Variants in TNRC6C observed in about 807,000 individuals in gnomAD.
The protein encoded by TNRC6C is trinucleotide repeat containing adaptor 6C.
In TNRC6C, 20 loss-of-function variants were observed where a neutral mutation model predicts 153.7. The ratio of observed to expected loss-of-function variants is 0.13; its 90% CI spans 0.09 to 0.19. TNRC6C has a LOEUF of 0.19. TNRC6C is among the 10% of genes least tolerant of loss of function. TNRC6C has a pLI of 1.00. For synonymous variants in TNRC6C, 811 were observed against 841.4 expected (o/e 0.96, Z 0.63); for missense variants, 1,987 against 2,172.0 (o/e 0.91, Z 1.69).
chr17:78,064,714 T>C lies in TNRC6C; in HGVS notation c.2396-8T>C. 1 of 1,611,428 alleles carries C rather than the reference T, an allele frequency of 6.2e-7. No homozygotes were observed. The highest frequency in any genetic ancestry group is 1.7e-4 in the Middle Eastern group (1 of 6,056). On this transcript the variant is annotated splice_polypyrimidine_tract_variant and splice_region_variant and intron_variant, in intron 3 of 19. Transcript: ENST00000301624. ...ATTATTTTCTCTACCCCTTGGAACC[T>C]TTTTCAGTTTCATCAGGCTGGGGAG...
intron 3 of TNRC6C, among the ~76,000 whole-genome samples, chr17:78,055,274 A>G (rs2072630982): frequency 1.3e-5 from 2 of 152,210 alleles, no homozygotes; most frequent in African/African-American, 4.8e-5. Flanking sequence ...ACGTTAGCCT[A>G]GGCCTACACA....
At chr17:78,074,663 G>A (rs985803544) in intron 7 of TNRC6C, among the ~76,000 whole-genome samples, 1 of 152,206 alleles carries the variant, frequency 6.6e-6, no homozygotes, top group Non-Finnish European at 1.5e-5. Context: ...TACAGGACTC[G>A]GTGAATGGAG....
intron 1 of TNRC6C, among the ~76,000 whole-genome samples, chr17:78,009,511 C>T (rs2071584987): frequency 6.6e-6 from 1 of 152,046 alleles, no homozygotes; most frequent in Non-Finnish European, 1.5e-5. Context: ...AAAGTGAATA[C>T]CTTCATGACC....
intron 1 of TNRC6C, among the ~76,000 whole-genome samples, chr17:78,021,873 T>A (rs972103514): frequency 6.6e-6 from 1 of 152,358 alleles, no homozygotes. Flanking sequence ...CCTGGTCTAT[T>A]TATTTATAAT....
At chr17:78,106,241 T>C (rs1423774011) in exon 20 of TNRC6C, 2 of 147,590 alleles carry the variant, frequency 1.4e-5, no homozygotes, top group African/African-American at 2.5e-5. Flanking sequence ...TTTTAAAAAT[T>C]TAAAAAGGAA....
At chr17:77,981,476 T>A (rs1266198748) in intron 1 of TNRC6C, among the ~76,000 whole-genome samples, 9 of 152,128 alleles carry the variant, frequency 5.9e-5, no homozygotes, top group Non-Finnish European at 1.3e-4. Flanking sequence ...AGACATTACT[T>A]TGGAGTTTGG....
intron 1 of TNRC6C, among the ~76,000 whole-genome samples, chr17:77,972,203 G>C (rs1437953283): frequency 6.6e-6 from 1 of 152,028 alleles, no homozygotes; most frequent in Admixed American, 6.6e-5. Flanking sequence ...AGGAGACACA[G>C]GTTACTAAAA....
At chr17:78,065,968 C>T (rs552155688) in intron 4 of TNRC6C, among the ~76,000 whole-genome samples, 6 of 152,228 alleles carry the variant, frequency 3.9e-5, no homozygotes, top group East Asian at 1.9e-4. Context: ...TGGTAGCTCA[C>T]GCCTGTAATC....
intron 3 of TNRC6C, among the ~76,000 whole-genome samples, chr17:78,062,439 CCAAA>C (rs1433154748): frequency 1.1e-4 from 17 of 152,128 alleles, no homozygotes; most frequent in Non-Finnish European, 2.4e-4. Flanking sequence ...CATGTTGAGG[CCAAA>C]CAATGTAAAA....
chr17:78,028,589 A>G (rs1007543164), intron 1 of TNRC6C, among the ~76,000 whole-genome samples: 8 of 152,172 alleles, frequency 5.3e-5, no homozygotes, highest in African/African-American at 1.7e-4. Context: ...AGTGTGGACA[A>G]TGTAGCGTTC....
chr17:78,037,571 G>A (rs1476110883), intron 2 of TNRC6C, among the ~76,000 whole-genome samples: 2 of 152,200 alleles, frequency 1.3e-5, no homozygotes, highest in Non-Finnish European at 2.9e-5. Context: ...GTGAAAGGGC[G>A]TCGCAGATGG....
At chr17:77,987,206 A>G (rs1375530749) in intron 1 of TNRC6C, among the ~76,000 whole-genome samples, 1 of 152,250 alleles carries the variant, frequency 6.6e-6, no homozygotes. Flanking sequence ...ATAGACAGGC[A>G]ATGTACAGAA....
chr17:78,073,748 A>G (rs149625642), intron 7 of TNRC6C, among the ~76,000 whole-genome samples: 2 of 152,250 alleles, frequency 1.3e-5, no homozygotes, highest in African/African-American at 4.8e-5. Flanking sequence ...CTTGTTTTAT[A>G]TGTTTTTCTG....
chr17:78,025,147 A>G (rs1185176672), intron 1 of TNRC6C, among the ~76,000 whole-genome samples: 2 of 152,164 alleles, frequency 1.3e-5, no homozygotes, highest in Admixed American at 6.5e-5. Context: ...TCTTTGTGTT[A>G]TATATCTATG....
intron 4 of TNRC6C, 131 bp downstream of exon 6, chr17:78,065,068 G>A (rs1465186735): frequency 2.8e-6 from 3 of 1,088,124 alleles, no homozygotes; most frequent in Non-Finnish European, 3.9e-6. Flanking sequence ...AAGAGTCTTG[G>A]CCAAGCACAG....
intron 11 of TNRC6C, among the ~76,000 whole-genome samples, chr17:78,084,405 C>CCTCA (rs2073239638): frequency 6.6e-6 from 1 of 151,648 alleles, no homozygotes; most frequent in Non-Finnish European, 1.5e-5. Context: ...GTACCTCAGC[C>CCTCA]CTCAGTCTTT....
chr17:78,027,321 G>A (rs1166925525), intron 1 of TNRC6C, among the ~76,000 whole-genome samples: 3 of 152,150 alleles, frequency 2.0e-5, no homozygotes, highest in African/African-American at 7.2e-5. Context: ...TGCCATTTGT[G>A]AAGAGATTAA....
intron 16 of TNRC6C, among the ~76,000 whole-genome samples, chr17:78,097,322 A>C (rs2073505271): frequency 6.6e-6 from 1 of 152,226 alleles, no homozygotes; most frequent in African/African-American, 2.4e-5. Context: ...ATTTTGTAAT[A>C]AAAGGCTTGG....
At chr17:78,039,240 C>A in intron 2 of TNRC6C, among the ~76,000 whole-genome samples, 1 of 152,028 alleles carries the variant, frequency 6.6e-6, no homozygotes, top group East Asian at 1.9e-4. Context: ...TAAAGAGCAG[C>A]CTGTGTTTGA....
Sources: allele counts gnomAD v4.1 joint callset (sites outside exome capture counted in the v4.1 genomes callset), GRCh38; gene constraint gnomAD v4.1.1; transcripts MANE v1.5; gene names NCBI Gene and HGNC (gene_info 2026-07-23, HGNC 2026-07-21).